FCHSD2: variants seen among roughly 807,000 people sequenced by gnomAD.
The protein encoded by FCHSD2 is FCH and double SH3 domains 2.
A neutral mutation model predicts 108.1 loss-of-function variants in FCHSD2; 38 were observed. The observed-to-expected ratio is 0.35, with a 90% CI of 0.27 to 0.46. The LOEUF (loss-of-function observed/expected upper bound fraction) is 0.46. Among genes scored for constraint, FCHSD2 ranks in the 20% least tolerant of loss-of-function variants. The pLI is 1.00. For missense variants in FCHSD2, 751 were observed against 897.8 expected (o/e 0.84, Z 2.09); for synonymous variants, 279 against 314.7 (o/e 0.89, Z 1.20).
chr11:72,951,692 CT>C (rs1856622786), intron 8 of FCHSD2, among the ~76,000 whole-genome samples: 1 of 152,040 alleles, frequency 6.6e-6, no homozygotes, highest in Non-Finnish European at 1.5e-5. Context: ...TTACTTTGGC[CT>C]GGTTTGATGG....
At chr11:73,023,214 T>A (rs1858149215) in intron 3 of FCHSD2, among the ~76,000 whole-genome samples, 1 of 152,054 alleles carries the variant, frequency 6.6e-6, no homozygotes, top group Non-Finnish European at 1.5e-5. Flanking sequence ...AGAATTAAAC[T>A]CTTTCTTCTG....
At chr11:72,937,632 C>T (rs902746468) in intron 8 of FCHSD2, among the ~76,000 whole-genome samples, 22 of 152,230 alleles carry the variant, frequency 1.4e-4, no homozygotes, top group African/African-American at 5.3e-4. Flanking sequence ...CGTGAGCCAC[C>T]GCGCCTGGCC....
chr11:73,119,772 A>G (rs927090444), intron 2 of FCHSD2, among the ~76,000 whole-genome samples: 5 of 152,164 alleles, frequency 3.3e-5, no homozygotes, highest in African/African-American at 1.2e-4. Flanking sequence ...AGAGTATACA[A>G]TATTTGACCC....
At chr11:73,136,286 T>A (rs1460691757) in intron 2 of FCHSD2, among the ~76,000 whole-genome samples, 1 of 152,082 alleles carries the variant, frequency 6.6e-6, no homozygotes, top group African/African-American at 2.4e-5. Context: ...TTTTCAATGA[T>A]ATAAAAACTT....
chr11:72,894,607 T>C (rs1855382350), intron 10 of FCHSD2, among the ~76,000 whole-genome samples: 2 of 152,178 alleles, frequency 1.3e-5, no homozygotes, highest in Non-Finnish European at 2.9e-5. Flanking sequence ...AAGTTATTAA[T>C]TATTTATCCT....
At chr11:73,088,502 A>T in intron 2 of FCHSD2, among the ~76,000 whole-genome samples, 1 of 152,178 alleles carries the variant, frequency 6.6e-6, no homozygotes, top group Non-Finnish European at 1.5e-5. Context: ...AATAGTAATG[A>T]AAGTTTTCTC....
intron 2 of FCHSD2, among the ~76,000 whole-genome samples, chr11:73,121,171 A>G (rs541313673): frequency 6.6e-6 from 1 of 150,792 alleles, no homozygotes. Context: ...ATACACATAC[A>G]CATACACACA....
chr11:72,875,582 C>T (rs779226427), intron 12 of FCHSD2, among the ~76,000 whole-genome samples: 41 of 152,204 alleles, frequency 2.7e-4, no homozygotes, highest in Middle Eastern at 3.2e-3. Flanking sequence ...TTCCGCCCTC[C>T]TGCCCTGGCC....
intron 2 of FCHSD2, among the ~76,000 whole-genome samples, chr11:73,129,983 A>C (rs1163434857): frequency 1.4e-5 from 2 of 143,388 alleles, no homozygotes; most frequent in Non-Finnish European, 3.0e-5. Flanking sequence ...GGTTCACGTC[A>C]TTCTCCTGCC....
intron 8 of FCHSD2, among the ~76,000 whole-genome samples, chr11:72,930,612 G>T (rs1389681095): frequency 6.6e-6 from 1 of 152,158 alleles, no homozygotes; most frequent in African/African-American, 2.4e-5. Context: ...GGGCGTGGTG[G>T]TGCCCATCCG....
intron 16 of FCHSD2, 57 bp from the exon 17 acceptor site, chr11:72,842,898 C>T: frequency 7.4e-7 from 1 of 1,343,610 alleles, no homozygotes; most frequent in South Asian, 1.2e-5. Context: ...GTTGCTTTTG[C>T]AACCACCCCT....
At chr11:73,083,181 A>G (rs1256424719) in intron 3 of FCHSD2, among the ~76,000 whole-genome samples, 1 of 152,238 alleles carries the variant, frequency 6.6e-6, no homozygotes, top group Non-Finnish European at 1.5e-5. Context: ...ATAGTAAATA[A>G]TGTCTCCTCC....
At chr11:72,960,512 T>C (rs1222128720) in intron 8 of FCHSD2, among the ~76,000 whole-genome samples, 1 of 152,196 alleles carries the variant, frequency 6.6e-6, no homozygotes, top group Non-Finnish European at 1.5e-5. Context: ...CTCACACCTA[T>C]GACAGTGACT....
At chr11:72,906,013 C>T (rs1417943556) in intron 9 of FCHSD2, among the ~76,000 whole-genome samples, 1 of 152,236 alleles carries the variant, frequency 6.6e-6, no homozygotes, top group Non-Finnish European at 1.5e-5. Flanking sequence ...GGAGTTGCCA[C>T]ACTGCCTTCC....
At chr11:73,134,008 TG>T (rs1222236692) in intron 2 of FCHSD2, among the ~76,000 whole-genome samples, 1 of 151,776 alleles carries the variant, frequency 6.6e-6, no homozygotes, top group African/African-American at 2.4e-5. Context: ...AAAAGTTGAA[TG>T]GTACACTTTA....
intron 8 of FCHSD2, among the ~76,000 whole-genome samples, chr11:72,938,398 CT>C (rs1162117113): frequency 6.6e-6 from 1 of 152,114 alleles, no homozygotes. Context: ...GCTGGAAGAA[CT>C]TATAAAGTTT....
intron 8 of FCHSD2, among the ~76,000 whole-genome samples, chr11:72,965,387 A>G (rs1206095005): frequency 6.6e-6 from 1 of 152,222 alleles, no homozygotes; most frequent in African/African-American, 2.4e-5. Flanking sequence ...ACACAGTAGG[A>G]AACAATACAC....
chr11:72,941,435 T>C (rs1856416170), intron 8 of FCHSD2, among the ~76,000 whole-genome samples: 2 of 126,614 alleles, frequency 1.6e-5, no homozygotes, highest in South Asian at 2.3e-4. Context: ...TTATAAATTA[T>C]GTTGGATGTC....
chr11:73,077,879 T>C (rs1475585433), intron 3 of FCHSD2, among the ~76,000 whole-genome samples: 1 of 152,178 alleles, frequency 6.6e-6, no homozygotes, highest in Non-Finnish European at 1.5e-5. Flanking sequence ...AAATTATAAA[T>C]TGTGTGGCTT....
Sources: allele counts gnomAD v4.1 joint callset (sites outside exome capture counted in the v4.1 genomes callset), GRCh38; gene constraint gnomAD v4.1.1; transcripts MANE v1.5; gene names NCBI Gene and HGNC (gene_info 2026-07-23, HGNC 2026-07-21).